The following ZC3HC1 variants were observed in gnomAD, a reference collection of about 807,000 sequenced individuals.
ZC3HC1 encodes zinc finger C3HC-type containing 1, also known as zinc finger C3HC-type protein 1.
ZC3HC1 carries 38 observed loss-of-function variants against 61.9 expected under a neutral mutation model. That is an observed-to-expected ratio of 0.61 (90% CI 0.47 to 0.81). The LOEUF is 0.81. Ranked by LOEUF, ZC3HC1 falls within the 30% of genes least tolerant of loss-of-function variation. The pLI, the probability that ZC3HC1 is intolerant of heterozygous loss-of-function variation, is 0.00. For missense variants in ZC3HC1, 554 were observed against 622.7 expected (o/e 0.89, Z 1.17); for synonymous variants, 213 against 229.9 (o/e 0.93, Z 0.67).
At chr7:130,034,837 T>C (rs1794368831) in intron 4 of ZC3HC1, among the ~76,000 whole-genome samples, 2 of 152,166 alleles carry the variant, frequency 1.3e-5, no homozygotes, top group Non-Finnish European at 2.9e-5. Flanking sequence ...TTTAGTTCTT[T>C]GCCTCAAGAC....
intron 7 of ZC3HC1, 111 bp downstream of exon 7, chr7:130,024,152 T>C (rs1793776871): frequency 3.6e-6 from 5 of 1,401,046 alleles, no homozygotes; most frequent in Non-Finnish European, 2.9e-6. Flanking sequence ...TCGTAACCAA[T>C]GTAGTGGGAA....
intron 2 of ZC3HC1, chr7:130,045,345 G>A: frequency 6.3e-6 from 2 of 317,366 alleles, no homozygotes; most frequent in East Asian, 8.3e-5. Context: ...TTGCACACAG[G>A]GAATAAAGTA....
chr7:130,041,189 G>GT (rs763320374), intron 2 of ZC3HC1, 88 bp from the exon 3 acceptor site: 35,410 of 1,001,844 alleles, frequency 0.035, no homozygotes, highest in South Asian at 0.04. Context: ...TACACATACT[G>GT]TTTTTTTTTT....
chr7:130,024,043 G>A (rs1793770970), intron 7 of ZC3HC1, among the ~76,000 whole-genome samples: 2 of 152,100 alleles, frequency 1.3e-5, no homozygotes, highest in Admixed American at 1.3e-4. Flanking sequence ...CAAGTGATCT[G>A]CCTGCCTCAG....
chr7:130,025,595 G>T (rs963251912), intron 6 of ZC3HC1, among the ~76,000 whole-genome samples: 1 of 151,942 alleles, frequency 6.6e-6, no homozygotes, highest in South Asian at 2.1e-4. Context: ...TCAGCCTGGT[G>T]TGGTGGCTCA....
chr7:130,019,058 T>TC (rs1031006355), intron 9 of ZC3HC1, among the ~76,000 whole-genome samples: 2 of 145,616 alleles, frequency 1.4e-5, no homozygotes, highest in African/African-American at 2.5e-5. Context: ...GTTTTTCTTT[T>TC]TTTTTTTTTT....
chr7:130,023,697 G>C lies in ZC3HC1; in HGVS notation c.1047C>G (p.Val349=). The C allele has an allele frequency of 1.9e-6, 3 of 1,614,202 alleles. No individual in the cohort carries two copies. Among genetic ancestry groups the C allele is most frequent in the South Asian group, 1.1e-5 (1 of 91,080 alleles). Residue 349 remains valine, a synonymous_variant, in exon 8 of 10, where the codon GTC becomes GTG. Transcript: ENST00000358303. This position sits in a 1 kb window ranked among gnomAD's most constrained non-coding sequence, Gnocchi z 4.2. Reference sequence around the variant, plus strand: ...AAGAGTCCCAGCTCCGAGTTCGAGAGACAATGGGACCAGGGCTCTTTTCAG... The same window carrying C: ...AAGAGTCCCAGCTCCGAGTTCGAGACACAATGGGACCAGGGCTCTTTTCAG... ...EQAEKSPGPI[V]SRTRSWDSSS...
intron 1 of ZC3HC1, among the ~76,000 whole-genome samples, chr7:130,049,355 T>G (rs1794986562): frequency 6.6e-6 from 1 of 152,198 alleles, no homozygotes; most frequent in Admixed American, 6.6e-5. Context: ...CAGTCTGGCA[T>G]TCAAAACTCT....
intron 4 of ZC3HC1, among the ~76,000 whole-genome samples, chr7:130,032,622 G>A (rs1043122445): frequency 8.1e-5 from 12 of 147,338 alleles, no homozygotes; most frequent in African/African-American, 2.5e-4. Flanking sequence ...CTGTAGCCTG[G>A]GAGAGAGAGA....
In ZC3HC1 at chr7:130,049,113, T is replaced by A. The variant is rs533593585; in HGVS notation, c.178A>T (p.Asn60Tyr). The A allele has an allele frequency of 2.6e-5, 42 of 1,604,690 alleles. No homozygotes were observed. In the South Asian group the frequency reaches 4.6e-4, roughly 18 times the overall value. The change falls in exon 2 of 10, where the codon AAT becomes TAT. Residue 60 changes from asparagine to tyrosine, a missense_variant. By Grantham distance (143) the Asn-to-Tyr change is moderately radical (BLOSUM62 -2). Coordinates refer to ENST00000358303, the MANE Select transcript of ZC3HC1 (RefSeq NM_016478.5). ...KDTSATSQSV[N>Y]GSPQAEQPSL... ...GGTTGTTCCGCTTGGGGTGATCCAT[T>A]AACTGACTGGGATGTGGCAGACGTG...
At chr7:130,022,200 C>T in intron 9 of ZC3HC1, 119 bp downstream of exon 9, 1 of 1,320,104 alleles carries the variant, frequency 7.6e-7, no homozygotes, top group Non-Finnish European at 1.1e-6. Context: ...CAAAAAAACC[C>T]AAATAACTTG....
intron 3 of ZC3HC1, 140 bp downstream of exon 3, chr7:130,040,808 CAAA>C (rs34942899): frequency 0.013 from 7,733 of 612,246 alleles, no homozygotes; most frequent in South Asian, 0.019. Flanking sequence ...GACCCCATCT[CAAA>C]AAAAAAAAAA....
intron 2 of ZC3HC1, among the ~76,000 whole-genome samples, chr7:130,044,703 G>T (rs749974410): frequency 2.0e-5 from 3 of 152,156 alleles, no homozygotes; most frequent in African/African-American, 4.8e-5. Flanking sequence ...TACAAAGGAG[G>T]AAAGAGTTAT....
chr7:130,040,959 A>G lies in ZC3HC1; in HGVS notation c.401T>C (p.Phe134Ser). The change falls in exon 3 of 10, where the codon TTT (phenylalanine) becomes TCT (serine). Residue 134 changes from phenylalanine to serine, a missense_variant. Coordinates refer to ENST00000358303, the MANE Select transcript of ZC3HC1 (RefSeq NM_016478.5). ...LCASLQPAFD[F>S]DRYKQRCAEL... ...TTGTACCTTATACTTACATCTGTCA[A>G]AGTCAAAAGCTGGTTGTAAACTGGC... 6.2e-7 allele frequency: 1 copy of G among 1,611,902 alleles called. No individual in the cohort carries two copies. The highest frequency in any genetic ancestry group is 1.1e-5 in the South Asian group (1 of 90,604).
chr7:130,026,406 A>G, intron 5 of ZC3HC1, 94 bp from the exon 6 acceptor site: 1 of 1,333,826 alleles, frequency 7.5e-7, no homozygotes, highest in Non-Finnish European at 1.0e-6. Context: ...GCCGAAAATC[A>G]GGAAGGAAAT....
intron 1 of ZC3HC1, among the ~76,000 whole-genome samples, chr7:130,050,739 G>C (rs993531786): frequency 1.3e-5 from 2 of 152,084 alleles, no homozygotes; most frequent in African/African-American, 2.4e-5. Flanking sequence ...CATACTACTA[G>C]ATATTATGGA....
At chr7:130,028,566 G>C (rs113951237) in intron 5 of ZC3HC1, among the ~76,000 whole-genome samples, 4,106 of 152,022 alleles carry the variant, frequency 0.027, 162 homozygotes, top group African/African-American at 0.093. Flanking sequence ...AATAATTTAA[G>C]TAATAAATCA....
intron 4 of ZC3HC1, chr7:130,036,763 A>G (rs1323651529): frequency 2.0e-5 from 3 of 152,182 alleles, no homozygotes; most frequent in Non-Finnish European, 2.9e-5. Context: ...AAGGGATCAT[A>G]TAATTGAAAG....
intron 8 of ZC3HC1, among the ~76,000 whole-genome samples, 159 bp from the exon 9 acceptor site, chr7:130,022,684 C>A (rs1363124122): frequency 6.6e-6 from 1 of 152,076 alleles, no homozygotes; most frequent in Non-Finnish European, 1.5e-5. Flanking sequence ...CTCTCATTTT[C>A]TTTATTTTTT....
Sources: allele counts gnomAD v4.1 joint callset (sites outside exome capture counted in the v4.1 genomes callset), GRCh38; gene constraint gnomAD v4.1.1; non-coding constraint Gnocchi (gnomAD v3.1); transcripts MANE v1.5; gene names NCBI Gene and HGNC (gene_info 2026-07-23, HGNC 2026-07-21).